KDM6B: variants seen among roughly 807,000 people sequenced by gnomAD.
The protein encoded by KDM6B is lysine demethylase 6B.
A neutral mutation model predicts 150.4 loss-of-function variants in KDM6B; 22 were observed. The ratio of observed to expected loss-of-function variants is 0.15; its 90% CI spans 0.10 to 0.21. The LOEUF is 0.21. Ranked by LOEUF, KDM6B falls within the 10% of genes least tolerant of loss-of-function variation. The pLI is 1.00. For missense variants in KDM6B, 1,984 were observed against 2,234.3 expected, an observed-to-expected ratio of 0.89 and a Z score of 2.26; for synonymous variants, 1,148 against 921.1, an observed-to-expected ratio of 1.25 and a Z score of -4.46.
rs139153136 is a variant in KDM6B at position 7,847,977 on chromosome 17, C to T, written c.1689C>T (p.Ser563=). The part of the protein sequence containing the change: ...SSNSNSGSHS[S]SPAGPVSFPP... ...ACAGCAACAGTGGCAGCCACAGCAG[C>T]AGCCCTGCTGGGCCTGTGTCCTTTC... Residue 563 remains serine, a synonymous_variant, in exon 12 of 24, where the codon AGC becomes AGT. Coordinates refer to ENST00000448097, the MANE Select transcript of KDM6B (RefSeq NM_001348716.2). The T allele has an allele frequency of 2.9e-5, 47 of 1,611,936 alleles. No homozygotes were observed. Among genetic ancestry groups the T allele is most frequent in the African/African-American group, 2.1e-4 (16 of 74,590 alleles).
At position 7,847,597 on chromosome 17, in the gene KDM6B, C is replaced by A. The variant is rs529894126; in HGVS notation, c.1309C>A (p.Arg437Ser). The A allele has an allele frequency of 6.2e-7, 1 of 1,612,416 alleles. No homozygotes were observed. Among genetic ancestry groups the A allele is most frequent in the Non-Finnish European group, 8.5e-7 (1 of 1,179,710 alleles). ...CGCGCTGGAGGTCTCTCACCATGGCCGCCTGGGGCCCTCGGCACACAGCAG... is the reference window on the plus strand; with the variant it reads ...CGCGCTGGAGGTCTCTCACCATGGCAGCCTGGGGCCCTCGGCACACAGCAG... ...TPALEVSHHG[R>S]LGPSAHSSRK... Residue 437 changes from arginine to serine, a missense_variant, in exon 12 of 24, where the codon CGC (arginine) becomes AGC (serine). Coordinates refer to ENST00000448097, the MANE Select transcript of KDM6B (RefSeq NM_001348716.2).
rs2078764615 is a variant in KDM6B, at chr17:7,854,208, T to C, written c.*687T>C. 6.6e-6 allele frequency: 1 copy of C among 152,150 alleles called. No individual in the cohort carries two copies. The highest frequency in any genetic ancestry group is 6.6e-5 in the Admixed American group (1 of 15,266). The allele number at this position is 152,150 out of a possible 1,614,324, so 9.4% of individuals were successfully genotyped here. The stretch of plus-strand genomic sequence containing the variant: ...GGCTCTCCCCGCGCCCCAGTGTGTG[T>C]CCGGGCCCGGCCCGACCGTCTCCAC... On this transcript the variant is annotated 3_prime_UTR_variant, in exon 24 of 24. Coordinates refer to ENST00000448097, the MANE Select transcript of KDM6B (RefSeq NM_001348716.2).
At chr17:7,852,933 C>T in intron 21 of KDM6B, 67 bp from the exon 22 acceptor site, 2 of 1,609,912 alleles carry the variant, frequency 1.2e-6, no homozygotes, top group Non-Finnish European at 1.7e-6. Flanking sequence ...CCCCTCTGCC[C>T]TTGCTCCAGC....
rs569467792 is a variant in KDM6B, at chr17:7,843,907, G to A, written c.-268-994G>A. On this transcript the variant is annotated intron_variant, in intron 2 of 23. Coordinates refer to ENST00000448097, the MANE Select transcript of KDM6B (RefSeq NM_001348716.2). This position sits in a 1 kb window ranked among gnomAD's most constrained non-coding sequence, Gnocchi z 4.5. Reference sequence around the variant, plus strand: ...AAGAGAGGGGAGCGCTGTGCCAGTCGGGGGTCCAGTCGGCACCAAAGCGAA... The same window carrying A: ...AAGAGAGGGGAGCGCTGTGCCAGTCAGGGGTCCAGTCGGCACCAAAGCGAA... 6.6e-6 allele frequency among the ~76,000 whole-genome samples: 1 copy of A among 152,012 alleles called. No individual in the cohort carries two copies. The highest frequency in any genetic ancestry group is 1.9e-4 in the East Asian group (1 of 5,182).
In KDM6B at chr17:7,848,677, C is replaced by A. The variant is rs200328250; in HGVS notation, c.2389C>A (p.Pro797Thr). Reference sequence around the variant, plus strand: ...TCAGCCACAGCCACCACCACCCCCACCCCCCAGCCCGGCCAGCCTGCTCAA... The same window carrying A: ...TCAGCCACAGCCACCACCACCCCCAACCCCCAGCCCGGCCAGCCTGCTCAA... Reference protein sequence around the residue: ...PSQPQPPPPPPPSPASLLKSL... With the variant: ...PSQPQPPPPPTPSPASLLKSL... Residue 797 changes from proline (P) to threonine (T), a missense_variant, in exon 12 of 24, where the codon CCC (proline) becomes ACC (threonine). Around this residue, in one of 13 missense-constraint regions of KDM6B, gnomAD observed 1,379 missense variants for 1,275.6 expected, o/e 1.08. Transcript: ENST00000448097. 133 of 1,610,500 alleles carry A rather than the reference C, an allele frequency of 8.3e-5. No homozygotes were observed. The Admixed American group carries it at 2.1e-3, about 26-fold the overall frequency.
chr17:7,850,276 C>A, intron 14 of KDM6B, 99 bp downstream of exon 14: 1 of 934,204 alleles, frequency 1.1e-6, no homozygotes, highest in African/African-American at 1.6e-5. Flanking sequence ...ATGACAGTGG[C>A]CGTGAGGAGT....
chr17:7,834,404 A>G (rs907491099), intron 1 of KDM6B, among the ~76,000 whole-genome samples, 54 bp downstream of exon 1: 1 of 152,020 alleles, frequency 6.6e-6, no homozygotes, highest in South Asian at 2.1e-4. Context: ...TCCTTGCAGC[A>G]GGGCAGGACG....
chr17:7,852,903 G>T, intron 21 of KDM6B, 97 bp from the exon 22 acceptor site: 1 of 1,536,350 alleles, frequency 6.5e-7, no homozygotes, highest in Non-Finnish European at 9.0e-7. Flanking sequence ...GCCCCTAGGG[G>T]AGGGCCCTGG....
At chr17:7,835,721 A>G (rs939284980) in intron 1 of KDM6B, among the ~76,000 whole-genome samples, 1 of 152,002 alleles carries the variant, frequency 6.6e-6, no homozygotes, top group Non-Finnish European at 1.5e-5. Context: ...TGGGACCCGC[A>G]CGTGCACTCC....
At position 7,853,478 on chromosome 17, in the gene KDM6B, C is replaced by T. The variant is rs1276657874; in HGVS notation, c.4909-20C>T. ...CCGGCCGCGCCTTTCCCTGAGCCCC[C>T]GCCGGCTTTCTCCCCCCAGGCCCCA... On this transcript the variant is annotated intron_variant, in intron 23 of 23. Coordinates refer to ENST00000448097, the MANE Select transcript of KDM6B (RefSeq NM_001348716.2). The T allele has an allele frequency of 6.7e-6, 10 of 1,503,506 alleles. No individual in the cohort carries two copies. The highest frequency in any genetic ancestry group is 1.3e-5 in the South Asian group (1 of 79,350). The allele number at this position is 1,503,506 out of a possible 1,614,324, so 93.1% of individuals were successfully genotyped here. A position where few individuals can be genotyped will look rare whatever the true frequency, so the allele number is the denominator to read the frequency against.
Position 7,849,930 on chromosome 17 carries a change from C to A in KDM6B, c.3550C>A (p.Pro1184Thr), listed in dbSNP as rs1414561504. The A allele has an allele frequency of 1.2e-6, 2 of 1,613,528 alleles. No individual in the cohort carries two copies. The highest frequency in any genetic ancestry group is 1.3e-5 in the African/African-American group (1 of 74,936). ...EKLPREKLNP[P>T]TPSIYLESKR... is the part of the protein sequence containing the mutation. The stretch of plus-strand genomic sequence containing the variant: ...GCTGCCCCGGGAAAAACTCAACCCC[C>A]CTACACCCAGCATCTATGTATGTGT... Residue 1184 changes from proline to threonine, a missense_variant, in exon 13 of 24, where the codon CCT (proline) becomes ACT (threonine). Coordinates refer to ENST00000448097, the MANE Select transcript of KDM6B (RefSeq NM_001348716.2).
rs534877861 is a variant in KDM6B, at chr17:7,851,860, C to T, written c.4165+64C>T. Reference sequence around the variant, plus strand: ...GAGAGGAGGGGCTGGCGGCGGCGCTCAGCCGTCAGCCAATGAGGGCAGAGG... The same window carrying T: ...GAGAGGAGGGGCTGGCGGCGGCGCTTAGCCGTCAGCCAATGAGGGCAGAGG... On this transcript the variant is annotated intron_variant, in intron 18 of 23. Transcript: ENST00000448097. 2.3e-4 allele frequency: 359 copies of T among 1,572,254 alleles called. 4 individuals are homozygous for T. In the South Asian group the frequency reaches 3.8e-3, roughly 17 times the overall value.
chr17:7,842,316 T>A (rs2078433911), intron 2 of KDM6B, among the ~76,000 whole-genome samples: 1 of 151,570 alleles, frequency 6.6e-6, no homozygotes, highest in African/African-American at 2.4e-5. Flanking sequence ...ATGGAGAGGG[T>A]GTGGCCTCGG....
At chr17:7,839,283 G>A (rs74480102) in intron 1 of KDM6B, among the ~76,000 whole-genome samples, 3,749 of 152,284 alleles carry the variant, frequency 0.025, 60 homozygotes, top group Non-Finnish European at 0.038. Flanking sequence ...GGGGAAACAG[G>A]ATATTGCCTT....
In KDM6B at chr17:7,853,603, G is replaced by A. The variant is rs1032643940; in HGVS notation, c.*82G>A. 1.9e-5 allele frequency: 21 copies of A among 1,119,056 alleles called. No homozygotes were observed. Among genetic ancestry groups the A allele is most frequent in the Non-Finnish European group, 2.1e-5 (18 of 862,256 alleles). 69.3% of individuals were successfully genotyped at this position (1,119,056 alleles called of 1,614,324 possible). The stretch of plus-strand genomic sequence containing the variant: ...CATGCCTGGGCTGGACCTAGGTCCC[G>A]CCTGTGGCCGAGAAGGGGGTCGGGC... On this transcript the variant is annotated 3_prime_UTR_variant, in exon 24 of 24. Coordinates refer to ENST00000448097, the MANE Select transcript of KDM6B (RefSeq NM_001348716.2).
rs2078501657 is a variant in KDM6B, at chr17:7,844,987, C to T, written c.-182C>T. 5.4e-6 allele frequency: 1 copy of T among 184,284 alleles called. No individual in the cohort carries two copies. The highest frequency in any genetic ancestry group is 5.4e-5 in the Admixed American group (1 of 18,606). The allele number at this position is 184,284 out of a possible 1,614,324, so 11.4% of individuals were successfully genotyped here. On this transcript the variant is annotated 5_prime_UTR_variant, in exon 3 of 24. Transcript: ENST00000448097. The surrounding 1 kb of genome is among the most constrained non-coding windows in gnomAD (Gnocchi z 5.9). ...GATTGGCCAGATCTCTGGAGCTTGC[C>T]GACGCGGTGTGAGGACGCTCCCACG...
At position 7,848,175 on chromosome 17, in the gene KDM6B, G is replaced by C. The variant is rs1567795149; in HGVS notation, c.1887G>C (p.Arg629=). ...GCTTCAGGCGCCCGGAGAGCCCCCGGCCCAGGGTCTCCTTCCCAAAGACCC... is the reference window on the plus strand; with the variant it reads ...GCTTCAGGCGCCCGGAGAGCCCCCGCCCCAGGGTCTCCTTCCCAAAGACCC... ...SGSFRRPESP[R]PRVSFPKTPE... is the part of the protein sequence containing the mutation. The change falls in exon 12 of 24, where the codon CGG becomes CGC. Residue 629 remains arginine (R), a synonymous_variant. Coordinates refer to ENST00000448097, the MANE Select transcript of KDM6B (RefSeq NM_001348716.2). 1.2e-6 allele frequency: 2 copies of C among 1,612,466 alleles called. No homozygotes were observed. Among genetic ancestry groups the C allele is most frequent in the Non-Finnish European group, 1.7e-6 (2 of 1,179,806 alleles).
rs1007062159 is a variant in KDM6B, at chr17:7,846,094, C to T, written c.253C>T (p.Pro85Ser). 4.4e-6 allele frequency: 6 copies of T among 1,352,506 alleles called. No homozygotes were observed. The highest frequency in any genetic ancestry group is 3.9e-5 in the Admixed American group (2 of 51,768). The allele number at this position is 1,352,506 out of a possible 1,614,324, so 83.8% of individuals were successfully genotyped here. A position where few individuals can be genotyped will look rare whatever the true frequency, so the allele number is the denominator to read the frequency against. The change falls in exon 7 of 24, where the codon CCC becomes TCC. Residue 85 changes from proline (P) to serine (S), a missense_variant. By Grantham distance (74) the Pro-to-Ser change is moderately conservative. Around this residue, in one of 13 missense-constraint regions of KDM6B, gnomAD observed 337 missense variants for 323.9 expected, o/e 1.04. Coordinates refer to ENST00000448097, the MANE Select transcript of KDM6B (RefSeq NM_001348716.2). ...GCTCTGTAGGGCGCCCACTCCAAGA[C>T]CCCTCCATGGGAAGCTGGAATCCCT... is the stretch of plus-strand genomic sequence containing the variant. ...YYAPGAPTPRPLHGKLESLHG... is the reference protein window; with the variant it reads ...YYAPGAPTPRSLHGKLESLHG...
Position 7,854,714 on chromosome 17 carries a change from A to C in KDM6B, c.*1193A>C. 1 of 224,530 alleles carries C rather than the reference A, an allele frequency of 4.5e-6. No individual in the cohort carries two copies. The highest frequency in any genetic ancestry group is 9.1e-6 in the Non-Finnish European group (1 of 109,522). The allele number at this position is 224,530 out of a possible 1,614,324, so 13.9% of individuals were successfully genotyped here. On this transcript the variant is annotated 3_prime_UTR_variant, in exon 24 of 24. Coordinates refer to ENST00000448097, the MANE Select transcript of KDM6B (RefSeq NM_001348716.2). ...TGCACTGTCTCTCTGCCCCAGGGGC[A>C]GAGGGGTCTTCCCAACCCTACCCCT...
Sources: gnomAD v4.1 joint callset for allele counts (sites outside exome capture counted in the v4.1 genomes callset) on GRCh38, gnomAD v4.1.1 for gene constraint, gnomAD v4.1.1 regional missense constraint, Gnocchi (gnomAD v3.1) non-coding constraint, MANE v1.5 for transcripts, NCBI Gene and HGNC (gene_info 2026-07-23, HGNC 2026-07-21) for gene names.